The following COL4A2 variants were observed in gnomAD, a reference collection of about 807,000 sequenced individuals.
COL4A2 encodes the protein collagen alpha-2(IV) chain.
Under a neutral mutation model 200.2 loss-of-function variants are expected in COL4A2, and 99 were observed. That is an observed-to-expected ratio of 0.49 (90% CI 0.42 to 0.58). COL4A2 has a LOEUF of 0.58. Among genes scored for constraint, COL4A2 ranks in the 20% least tolerant of loss-of-function variants. The pLI is 0.00. For synonymous variants in COL4A2, 897 were observed against 900.6 expected, an observed-to-expected ratio of 1.00 and a Z score of 0.07; for missense variants, 1,950 against 2,314.1, an observed-to-expected ratio of 0.84 and a Z score of 3.23.
chr13:110,474,724 C>T lies in COL4A2; in HGVS notation c.2425+1574C>T, dbSNP rs531386088. On this transcript the variant is annotated intron_variant, in intron 29 of 47. Transcript: ENST00000360467. ...CTGTGTACACTCACATGATCACACA[C>T]GCACGTACCCACACACGTGCCGTGC... is the stretch of plus-strand genomic sequence containing the variant. 4.4e-3 allele frequency among the ~76,000 whole-genome samples: 625 copies of T among 141,578 alleles called. 62 individuals are homozygous for T. Among genetic ancestry groups the T allele is most frequent in the Non-Finnish European group, 6.1e-3 (385 of 63,610 alleles). The allele number at this position is 141,578 out of a possible 152,430, so 92.9% of individuals were successfully genotyped here.
chr13:110,350,259 C>A (rs761283227), intron 3 of COL4A2, among the ~76,000 whole-genome samples: 1 of 152,218 alleles, frequency 6.6e-6, no homozygotes, highest in Non-Finnish European at 1.5e-5. Context: ...TATGCCTTTA[C>A]ATACACTGCC....
chr13:110,506,306 ACTCTCT>A (rs780165751), intron 45 of COL4A2, 103 bp from the exon 46 acceptor site: 4 of 916,678 alleles, frequency 4.4e-6, no homozygotes, highest in Admixed American at 8.1e-5. Flanking sequence ...CAGGCCGTCC[ACTCTCT>A]CTCTCTCTCT....
chr13:110,487,639 C>T (rs1307472025), intron 34 of COL4A2, among the ~76,000 whole-genome samples: 3 of 152,348 alleles, frequency 2.0e-5, no homozygotes, highest in African/African-American at 7.2e-5. Flanking sequence ...TATCTCCATA[C>T]ACAGCAATAA....
Position 110,464,867 on chromosome 13 carries a change from C to T in COL4A2, c.1777-538C>T, listed in dbSNP as rs554458661. On this transcript the variant is annotated intron_variant, in intron 24 of 47. Coordinates refer to ENST00000360467, the MANE Select transcript of COL4A2 (RefSeq NM_001846.4). ...CCTGCACCTCCCACCAGCTCCCCCC[C>T]GCACCCTGCAGCTGGTGCTTTCATC... Among the ~76,000 whole-genome samples the T allele has an allele frequency of 1.4e-4, 22 of 152,344 alleles. No homozygotes were observed. The East Asian group carries it at 2.9e-3, about 20-fold the overall frequency.
intron 31 of COL4A2, among the ~76,000 whole-genome samples, chr13:110,480,897 CTT>C (rs1882876895): frequency 6.6e-6 from 1 of 151,850 alleles, no homozygotes; most frequent in South Asian, 2.1e-4. Flanking sequence ...CAGTTCTGTC[CTT>C]CCATTGCTGG....
At chr13:110,389,667 A>G (rs908084333) in intron 4 of COL4A2, among the ~76,000 whole-genome samples, 5 of 152,206 alleles carry the variant, frequency 3.3e-5, no homozygotes, top group African/African-American at 1.2e-4. Context: ...ACGAGCACTA[A>G]CACCTCCCAG....
chr13:110,491,767 C>T (rs1200449913), intron 37 of COL4A2, among the ~76,000 whole-genome samples: 1 of 152,186 alleles, frequency 6.6e-6, no homozygotes, highest in Non-Finnish European at 1.5e-5. Context: ...CCAAGAGGCT[C>T]ATCTCTCCAG....
intron 38 of COL4A2, 111 bp downstream of exon 38, chr13:110,492,288 A>G: frequency 1.1e-6 from 1 of 914,782 alleles, no homozygotes; most frequent in Admixed American, 2.5e-5. Flanking sequence ...CCCATACGAG[A>G]GCAAAGGCAG....
chr13:110,499,740 C>T (rs756952997), intron 40 of COL4A2, among the ~76,000 whole-genome samples: 14 of 152,176 alleles, frequency 9.2e-5, no homozygotes, highest in East Asian at 1.9e-4. Flanking sequence ...TAGCGGTTTC[C>T]GTCTAGATTC....
intron 28 of COL4A2, 131 bp from the exon 29 acceptor site, chr13:110,472,798 G>T: frequency 1.4e-6 from 1 of 738,378 alleles, no homozygotes. Context: ...AGGGACAAGG[G>T]CTCGAGCTGA....
At chr13:110,489,938 C>T (rs1467334868) in intron 36 of COL4A2, among the ~76,000 whole-genome samples, 153 bp downstream of exon 36, 5 of 152,162 alleles carry the variant, frequency 3.3e-5, no homozygotes, top group Admixed American at 1.3e-4. Flanking sequence ...GAAAGACCGT[C>T]GTTTTTAATT....
At position 110,311,891 on chromosome 13, in the gene COL4A2, C is replaced by T. The variant is rs971374427; in HGVS notation, c.99+3768C>T. Among the ~76,000 whole-genome samples the T allele has an allele frequency of 1.8e-4, 28 of 152,194 alleles. 1 individual carries two copies. The highest frequency in any genetic ancestry group is 1.8e-3 in the Admixed American group (27 of 15,278). Reference sequence around the variant, plus strand: ...TGCCGCTTAGTTTCCAGGCTGTCCTCGGGGCTCCAGCCCCAGGAAATTCGC... The same window carrying T: ...TGCCGCTTAGTTTCCAGGCTGTCCTTGGGGCTCCAGCCCCAGGAAATTCGC... On this transcript the variant is annotated intron_variant, in intron 3 of 47. Transcript: ENST00000360467.
chr13:110,317,334 G>C (rs1211069556), intron 3 of COL4A2, among the ~76,000 whole-genome samples: 1 of 150,900 alleles, frequency 6.6e-6, no homozygotes, highest in African/African-American at 2.4e-5. Flanking sequence ...ACACACACTT[G>C]CACCCACACA....
chr13:110,445,808 A>G, intron 16 of COL4A2, 21 bp from the exon 17 acceptor site: 1 of 1,614,156 alleles, frequency 6.2e-7, no homozygotes, highest in Non-Finnish European at 8.5e-7. Flanking sequence ...CAAAAATTAA[A>G]AGCAAATATC....
chr13:110,318,408 C>T (rs767910697), intron 3 of COL4A2, among the ~76,000 whole-genome samples: 8 of 152,166 alleles, frequency 5.3e-5, no homozygotes, highest in Non-Finnish European at 1.2e-4. Context: ...AACCTGCAGA[C>T]GTTCACTATT....
chr13:110,342,438 C>G (rs1876500138), intron 3 of COL4A2, among the ~76,000 whole-genome samples: 1 of 152,148 alleles, frequency 6.6e-6, no homozygotes, highest in Non-Finnish European at 1.5e-5. Context: ...TGCTGTTCCC[C>G]AGGTCTGTAT....
chr13:110,324,135 A>G (rs1220209617), intron 3 of COL4A2, among the ~76,000 whole-genome samples: 1 of 152,114 alleles, frequency 6.6e-6, no homozygotes, highest in Non-Finnish European at 1.5e-5. Flanking sequence ...GCTTCAATGC[A>G]AAGGGAAGCC....
intron 4 of COL4A2, among the ~76,000 whole-genome samples, chr13:110,389,561 A>T (rs1371060311): frequency 6.6e-6 from 1 of 152,076 alleles, no homozygotes; most frequent in East Asian, 1.9e-4. Flanking sequence ...TCCTTCTCAG[A>T]CCCCTCTGTC....
chr13:110,510,654 G>T (rs911189554), intron 47 of COL4A2, among the ~76,000 whole-genome samples: 5 of 152,210 alleles, frequency 3.3e-5, no homozygotes, highest in African/African-American at 4.8e-5. Context: ...ATTTGTGTGT[G>T]TGCATGAGTG....
Sources: gnomAD v4.1 joint callset for allele counts (sites outside exome capture counted in the v4.1 genomes callset) on GRCh38, gnomAD v4.1.1 for gene constraint, MANE v1.5 for transcripts, NCBI Gene and HGNC (gene_info 2026-07-23, HGNC 2026-07-21) for gene names.